Variants in PDS5B observed in about 807,000 individuals in gnomAD.
PDS5B encodes PDS5 cohesin associated factor B.
A neutral mutation model predicts 184.1 loss-of-function variants in PDS5B; 51 were observed. The ratio of observed to expected loss-of-function variants is 0.28; its 90% CI spans 0.22 to 0.35. The LOEUF is 0.35. Ranked by LOEUF, PDS5B falls within the 10% of genes least tolerant of loss-of-function variation. The pLI, the probability that PDS5B is intolerant of heterozygous loss-of-function variation, is 1.00. For missense variants in PDS5B, 1,180 were observed against 1,723.3 expected, an observed-to-expected ratio of 0.68 and a Z score of 5.58; for synonymous variants, 566 against 569.2, an observed-to-expected ratio of 0.99 and a Z score of 0.08.
chr13:32,598,238 A>C (rs556148563), intron 1 of PDS5B, among the ~76,000 whole-genome samples: 1 of 151,182 alleles, frequency 6.6e-6, no homozygotes, highest in South Asian at 2.1e-4. Context: ...ACGCCCAGCA[A>C]ATTTTTTTGT....
chr13:32,696,658 G>A (rs1459369810), intron 14 of PDS5B, among the ~76,000 whole-genome samples, 196 bp from the exon 15 acceptor site: 1 of 152,118 alleles, frequency 6.6e-6, no homozygotes, highest in Non-Finnish European at 1.5e-5. Flanking sequence ...CATGATTAAA[G>A]TAGAGAAGGA....
intron 3 of PDS5B, among the ~76,000 whole-genome samples, chr13:32,654,142 G>T (rs905730267): frequency 4.6e-5 from 7 of 151,924 alleles, no homozygotes; most frequent in Admixed American, 3.9e-4. Flanking sequence ...TTCTTTTTGG[G>T]GGATAGTACT....
At position 32,673,395 on chromosome 13, in the gene PDS5B, A is replaced by G. The variant is rs748661809; in HGVS notation, c.846+39A>G. On this transcript the variant is annotated intron_variant, in intron 8 of 34. Coordinates refer to ENST00000315596, the MANE Select transcript of PDS5B (RefSeq NM_015032.4). ...ATAATATGATTCTACCAACCAAGTT[A>G]TTAGCAAAGAGCATTATTTATAGCT... is the stretch of plus-strand genomic sequence containing the variant. 2.0e-5 allele frequency: 30 copies of G among 1,529,444 alleles called. No individual in the cohort carries two copies. The South Asian group carries it at 3.4e-4, about 17-fold the overall frequency. The allele number at this position is 1,529,444 out of a possible 1,614,324, so 94.7% of individuals were successfully genotyped here. A position where few individuals can be genotyped will look rare whatever the true frequency, so the allele number is the denominator to read the frequency against.
At chr13:32,691,891 A>C (rs149699611) in intron 13 of PDS5B, among the ~76,000 whole-genome samples, 2 of 152,026 alleles carry the variant, frequency 1.3e-5, no homozygotes, top group African/African-American at 4.8e-5. Context: ...ATGAGTATCA[A>C]ATTTTCTTAT....
chr13:32,760,496 G>A, intron 29 of PDS5B, 79 bp from the exon 30 acceptor site: 1 of 1,307,362 alleles, frequency 7.6e-7, no homozygotes, highest in Non-Finnish European at 1.1e-6. Flanking sequence ...CTTTGAGAGA[G>A]ATGTTATTTA....
In PDS5B at chr13:32,678,761, A is replaced by T. The variant is rs149993316; in HGVS notation, c.963-74A>T. On this transcript the variant is annotated intron_variant, in intron 9 of 34. Transcript: ENST00000315596. ...GTTTTTTCTTTAATTAGATAAATGT[A>T]AATTGGGTACAGATTTAACACATGT... The T allele has an allele frequency of 2.3e-3, 1,941 of 848,774 alleles. 28 individuals carry two copies. In the African/African-American group the frequency reaches 0.028, roughly 12 times the overall value. The allele number at this position is 848,774 out of a possible 1,614,324, so 52.6% of individuals were successfully genotyped here. A position where few individuals can be genotyped will look rare whatever the true frequency, so the allele number is the denominator to read the frequency against.
At chr13:32,696,289 C>T (rs574742068) in intron 14 of PDS5B, among the ~76,000 whole-genome samples, 18 of 152,150 alleles carry the variant, frequency 1.2e-4, no homozygotes, top group African/African-American at 3.9e-4. Flanking sequence ...ATAATTAGCA[C>T]TCTAAGAAAC....
intron 14 of PDS5B, among the ~76,000 whole-genome samples, chr13:32,694,801 G>A (rs1417215594): frequency 1.3e-5 from 2 of 149,586 alleles, no homozygotes; most frequent in Non-Finnish European, 3.0e-5. Context: ...TCCATTGGAT[G>A]TATCATATTT....
intron 9 of PDS5B, among the ~76,000 whole-genome samples, chr13:32,678,262 T>C (rs1026955177): frequency 4.6e-5 from 7 of 152,214 alleles, no homozygotes; most frequent in Non-Finnish European, 8.8e-5. Flanking sequence ...TTTTTAGGGA[T>C]ACATACATAT....
intron 10 of PDS5B, among the ~76,000 whole-genome samples, chr13:32,681,061 A>G (rs1951224359): frequency 6.6e-6 from 1 of 152,144 alleles, no homozygotes; most frequent in Admixed American, 6.6e-5. Flanking sequence ...GCAGTGCTGG[A>G]AATATCCTGC....
chr13:32,664,096 T>C (rs9596046), intron 6 of PDS5B, among the ~76,000 whole-genome samples: 58,317 of 152,048 alleles, frequency 0.38, 11,643 homozygotes, highest in Non-Finnish European at 0.44. Context: ...ATATATACCA[T>C]GTTTTCTTTA....
chr13:32,658,138 A>G, intron 3 of PDS5B, 101 bp from the exon 4 acceptor site: 2 of 561,716 alleles, frequency 3.6e-6, no homozygotes, highest in South Asian at 2.7e-5. Flanking sequence ...ATAGTTTATT[A>G]TGATATGTAC....
chr13:32,721,797 T>TG (rs1193805150), intron 19 of PDS5B, among the ~76,000 whole-genome samples: 1 of 146,176 alleles, frequency 6.8e-6, no homozygotes, highest in Non-Finnish European at 1.5e-5. Flanking sequence ...TCCCAGACAA[T>TG]GGGCAGCCAG....
chr13:32,741,508 C>A (rs1261687481), intron 22 of PDS5B, among the ~76,000 whole-genome samples: 1 of 151,998 alleles, frequency 6.6e-6, no homozygotes, highest in Non-Finnish European at 1.5e-5. Flanking sequence ...TTAAAAAATT[C>A]AGCCTATAAT....
chr13:32,699,954 A>AT, intron 16 of PDS5B, 85 bp downstream of exon 16: 1 of 1,218,430 alleles, frequency 8.2e-7, no homozygotes, highest in Admixed American at 3.2e-5. Context: ...ATTTATATTC[A>AT]TTATATTAAA....
intron 14 of PDS5B, among the ~76,000 whole-genome samples, chr13:32,695,508 C>A (rs1951675548): frequency 6.6e-6 from 1 of 151,776 alleles, no homozygotes; most frequent in Non-Finnish European, 1.5e-5. Flanking sequence ...ACTTGGAGCT[C>A]TGTATATTTA....
chr13:32,733,858 T>C lies in PDS5B; in HGVS notation c.2248-1314T>C, dbSNP rs890544787. Among the ~76,000 whole-genome samples the C allele has an allele frequency of 5.3e-5, 8 of 152,216 alleles. No individual in the cohort carries two copies. The East Asian group carries it at 1.4e-3, about 26-fold the overall frequency. ...TACTTTTCCAGAGATATTTTATTCA[T>C]ATACAAGTAAGGGCATGTAAATATG... On this transcript the variant is annotated intron_variant, in intron 20 of 34. Transcript: ENST00000315596.
chr13:32,595,974 G>A (rs114939242), intron 1 of PDS5B, among the ~76,000 whole-genome samples: 1 of 152,200 alleles, frequency 6.6e-6, no homozygotes, highest in Non-Finnish European at 1.5e-5. Flanking sequence ...GTGTAATAAT[G>A]TATATATACT....
chr13:32,764,963 CT>C (rs1449500410), intron 31 of PDS5B, among the ~76,000 whole-genome samples: 1 of 152,052 alleles, frequency 6.6e-6, no homozygotes, highest in African/African-American at 2.4e-5. Context: ...AATGAGGACC[CT>C]TAAAACTTCT....
Sources: gnomAD v4.1 joint callset for allele counts (sites outside exome capture counted in the v4.1 genomes callset) on GRCh38, gnomAD v4.1.1 for gene constraint, MANE v1.5 for transcripts, NCBI Gene and HGNC (gene_info 2026-07-23, HGNC 2026-07-21) for gene names.